The following ABCA12 variants were observed in gnomAD, a reference collection of about 807,000 sequenced individuals.
The protein encoded by ABCA12 is glucosylceramide transporter ABCA12.
Under a neutral mutation model 293.5 loss-of-function variants are expected in ABCA12, and 156 were observed. The observed-to-expected ratio is 0.53, with a 90% CI of 0.47 to 0.61. The LOEUF is 0.61. ABCA12 is among the 20% of genes least tolerant of loss of function. The pLI is 0.00. For missense variants in ABCA12, 2,797 were observed against 3,090.2 expected (o/e 0.91, Z 2.25); for synonymous variants, 1,063 against 1,108.0 (o/e 0.96, Z 0.81).
rs201645111 is a variant in ABCA12, at chr2:215,043,900, GGAT to G, written c.872+1934_872+1936del. 9.3e-3 allele frequency among the ~76,000 whole-genome samples: 1,419 copies of G among 152,032 alleles called. 8 individuals are homozygous for G. The highest frequency in any genetic ancestry group is 0.015 in the Non-Finnish European group (996 of 67,926). On this transcript the variant is annotated intron_variant, in intron 7 of 52. Transcript: ENST00000272895. The stretch of plus-strand genomic sequence containing the variant: ...TCAATTCTAGAACCTTCTATAAATA[GGAT>G]GATAACGCTATCTACATACACAGTA...
intron 2 of ABCA12, among the ~76,000 whole-genome samples, chr2:215,104,739 C>G (rs1702427501): frequency 6.6e-6 from 1 of 152,178 alleles, no homozygotes; most frequent in Non-Finnish European, 1.5e-5. Flanking sequence ...ACTTCTTAAG[C>G]AAGAAGCAGG....
At chr2:214,964,982 C>A (rs1038960712) in intron 39 of ABCA12, among the ~76,000 whole-genome samples, 5 of 152,246 alleles carry the variant, frequency 3.3e-5, no homozygotes, top group Non-Finnish European at 7.4e-5. Flanking sequence ...AACTATACTA[C>A]AAGGCTATAG....
chr2:215,123,116 T>G (rs1192708443), intron 1 of ABCA12, among the ~76,000 whole-genome samples: 1 of 152,182 alleles, frequency 6.6e-6, no homozygotes, highest in Non-Finnish European at 1.5e-5. Flanking sequence ...CATGATTTCA[T>G]TCTTTTTTAT....
At chr2:215,036,444 A>T (rs1056676965) in intron 8 of ABCA12, among the ~76,000 whole-genome samples, 13 of 152,302 alleles carry the variant, frequency 8.5e-5, no homozygotes, top group African/African-American at 2.6e-4. Flanking sequence ...TTACATCTCC[A>T]AACCTTTGTC....
rs895258489 is a variant in ABCA12 at position 215,037,695 on chromosome 2, T to A, written c.873-630A>T. Among the ~76,000 whole-genome samples the A allele has an allele frequency of 3.3e-5, 5 of 152,188 alleles. 1 individual carries two copies. The East Asian group carries it at 9.6e-4, about 29-fold the overall frequency. ...TAAGATGGGCAGTCTACACTGGGGA[T>A]AGAAAATCAGAAAATTCAGTTATGC... On this transcript the variant is annotated intron_variant, in intron 7 of 52. Transcript: ENST00000272895.
At chr2:215,075,830 T>G in intron 2 of ABCA12, 1 of 430,032 alleles carries the variant, frequency 2.3e-6, no homozygotes. Flanking sequence ...TGTGCTATGG[T>G]GTAAAACTAA....
At chr2:215,129,030 G>C (rs1702992698) in intron 1 of ABCA12, among the ~76,000 whole-genome samples, 1 of 152,146 alleles carries the variant, frequency 6.6e-6, no homozygotes, top group Non-Finnish European at 1.5e-5. Flanking sequence ...TGTGGATGTG[G>C]CTTCCTGTGA....
chr2:215,117,464 C>T (rs1257541545), intron 1 of ABCA12, among the ~76,000 whole-genome samples: 2 of 152,150 alleles, frequency 1.3e-5, no homozygotes. Flanking sequence ...TAAAGCTAAT[C>T]TGCAGTATCT....
At chr2:214,955,858 T>C (rs980135551) in intron 42 of ABCA12, among the ~76,000 whole-genome samples, 1 of 152,180 alleles carries the variant, frequency 6.6e-6, no homozygotes, top group Non-Finnish European at 1.5e-5. Flanking sequence ...CTTGAGTAGT[T>C]CTACATCATT....
At position 215,026,893 on chromosome 2, in the gene ABCA12, T is replaced by C. The variant is rs373567518; in HGVS notation, c.1107A>G (p.Ser369=). The change falls in exon 10 of 53, where the codon TCA becomes TCG. Residue 369 remains serine, a synonymous_variant. Transcript: ENST00000272895. ...ENFEDALLNI[S]ANSPYIPYLA... ...AGTAAGGAATATAAGGACTATTTGCTGATATATTTAAGAGGGCATCTTCAA... is the reference window on the plus strand; with the variant it reads ...AGTAAGGAATATAAGGACTATTTGCCGATATATTTAAGAGGGCATCTTCAA... The C allele has an allele frequency of 1.2e-6, 2 of 1,613,384 alleles. No homozygotes were observed. Among genetic ancestry groups the C allele is most frequent in the East Asian group, 2.2e-5 (1 of 44,876 alleles).
rs776447165 is a variant in ABCA12, at chr2:215,026,928, G to A, written c.1072C>T (p.Leu358=). ...PSSLAAQLLI[L]ENFEDALLNI... is the part of the protein sequence containing the mutation. Reference sequence around the variant, plus strand: ...AAGAGGGCATCTTCAAAGTTTTCCAGAATTAGGAGCCTGCAGAATTAGAAA... The same window carrying A: ...AAGAGGGCATCTTCAAAGTTTTCCAAAATTAGGAGCCTGCAGAATTAGAAA... Residue 358 remains leucine, a synonymous_variant, in exon 10 of 53, where the codon CTG becomes TTG. Transcript: ENST00000272895. The A allele has an allele frequency of 6.3e-7, 1 of 1,582,856 alleles. No homozygotes were observed.
chr2:214,944,403 CTCTG>C (rs1315215386), intron 49 of ABCA12, among the ~76,000 whole-genome samples: 3 of 150,038 alleles, frequency 2.0e-5, no homozygotes, highest in Non-Finnish European at 4.4e-5. Flanking sequence ...CAGAGTAAGA[CTCTG>C]TCTAAATAAA....
At chr2:215,135,448 A>T (rs974945173) in intron 1 of ABCA12, among the ~76,000 whole-genome samples, 1 of 152,202 alleles carries the variant, frequency 6.6e-6, no homozygotes, top group African/African-American at 2.4e-5. Context: ...TCTAAAAAAT[A>T]TTAGGCAAAG....
chr2:215,081,693 G>T (rs963057054), intron 2 of ABCA12, among the ~76,000 whole-genome samples: 1 of 151,978 alleles, frequency 6.6e-6, no homozygotes, highest in Non-Finnish European at 1.5e-5. Flanking sequence ...ACTAACACAT[G>T]AAATTATACA....
In ABCA12 at chr2:215,017,522, A is replaced by T. The variant is rs554560658; in HGVS notation, c.1782+486T>A. On this transcript the variant is annotated intron_variant, in intron 14 of 52. Coordinates refer to ENST00000272895, the MANE Select transcript of ABCA12 (RefSeq NM_173076.3). The stretch of plus-strand genomic sequence containing the variant: ...ATCCATTTTAATTTTAGTTGCAAGC[A>T]ATAGTAAGTAGTCTCCATACATTTT... 2.2e-4 allele frequency: 35 copies of T among 157,090 alleles called. No individual in the cohort carries two copies. The South Asian group carries it at 6.7e-3, about 30-fold the overall frequency. The allele number at this position is 157,090 out of a possible 1,614,324, so 9.7% of individuals were successfully genotyped here.
chr2:215,096,965 T>A lies in ABCA12; in HGVS notation c.163+14632A>T, dbSNP rs569605251. On this transcript the variant is annotated intron_variant, in intron 2 of 52. Coordinates refer to ENST00000272895, the MANE Select transcript of ABCA12 (RefSeq NM_173076.3). ...GGGGCATTTCCTTAACTGTTAAGTA[T>A]CTGATACGCTAGGCACTGCTTGTAT... is the stretch of plus-strand genomic sequence containing the variant. 3.0e-4 allele frequency among the ~76,000 whole-genome samples: 46 copies of A among 152,332 alleles called. No homozygotes were observed. In the South Asian group the frequency reaches 3.9e-3, roughly 13 times the overall value.
intron 7 of ABCA12, among the ~76,000 whole-genome samples, chr2:215,040,699 C>A (rs1017910189): frequency 2.0e-5 from 3 of 152,100 alleles, no homozygotes; most frequent in Non-Finnish European, 4.4e-5. Flanking sequence ...GTAATCCCAG[C>A]TACTTGGGAG....
At chr2:215,123,238 A>G in intron 1 of ABCA12, among the ~76,000 whole-genome samples, 1 of 151,990 alleles carries the variant, frequency 6.6e-6, no homozygotes, top group Non-Finnish European at 1.5e-5. Flanking sequence ...CAGTGGCGCA[A>G]TCTCGGCTCA....
intron 2 of ABCA12, among the ~76,000 whole-genome samples, chr2:215,093,975 A>T (rs1316098961): frequency 6.6e-6 from 1 of 152,022 alleles, no homozygotes; most frequent in Non-Finnish European, 1.5e-5. Flanking sequence ...CCTAATAGCT[A>T]CTCACCAGCA....
Sources: gnomAD v4.1 joint callset for allele counts (sites outside exome capture counted in the v4.1 genomes callset) on GRCh38, gnomAD v4.1.1 for gene constraint, MANE v1.5 for transcripts, NCBI Gene and HGNC (gene_info 2026-07-23, HGNC 2026-07-21) for gene names.